The following DNAH17 variants were observed in gnomAD, a reference collection of about 807,000 sequenced individuals.
DNAH17 encodes axonemal beta dynein heavy chain 17.
A neutral mutation model predicts 485.6 loss-of-function variants in DNAH17; 376 were observed. The observed-to-expected ratio is 0.77, with a 90% confidence interval of 0.71 to 0.84. DNAH17 has a LOEUF of 0.84. DNAH17 is among the 40% of genes least tolerant of loss of function. The pLI, the probability that DNAH17 is intolerant of heterozygous loss-of-function variation, is 0.00. For synonymous variants in DNAH17, 3,031 were observed against 2,405.9 expected (o/e 1.26, Z -7.60); for missense variants, 6,370 against 5,839.3 (o/e 1.09, Z -2.96).
At chr17:78,484,515 T>C (rs1035273041) in intron 48 of DNAH17, among the ~76,000 whole-genome samples, 1 of 151,920 alleles carries the variant, frequency 6.6e-6, no homozygotes, top group African/African-American at 2.4e-5. Flanking sequence ...CTTTACCGGG[T>C]AATGTGCTTC....
chr17:78,526,825 G>A (rs2091090683), intron 23 of DNAH17, 55 bp downstream of exon 23: 1 of 1,558,656 alleles, frequency 6.4e-7, no homozygotes, highest in African/African-American at 1.4e-5. Flanking sequence ...CAGGGCCCTG[G>A]GTGAGCCCCA....
intron 54 of DNAH17, among the ~76,000 whole-genome samples, chr17:78,470,380 T>C (rs1034997112): frequency 6.6e-6 from 1 of 150,472 alleles, no homozygotes; most frequent in African/African-American, 2.4e-5. Flanking sequence ...AAATGTCTAT[T>C]TGTCTTAGAA....
chr17:78,569,067 G>A (rs1466456217), intron 9 of DNAH17, 99 bp downstream of exon 9: 13 of 933,830 alleles, frequency 1.4e-5, no homozygotes, highest in Non-Finnish European at 1.8e-5. Context: ...TCTGCCTGGG[G>A]GATTATTGGC....
At chr17:78,536,747 G>A (rs556201285) in intron 19 of DNAH17, among the ~76,000 whole-genome samples, 53 of 150,302 alleles carry the variant, frequency 3.5e-4, no homozygotes, top group African/African-American at 1.0e-3. Flanking sequence ...GCATCGTGTC[G>A]GGGGGTTGGA....
chr17:78,481,097 C>T (rs2089327914), intron 48 of DNAH17, among the ~76,000 whole-genome samples: 1 of 144,130 alleles, frequency 6.9e-6, no homozygotes, highest in African/African-American at 2.6e-5. Context: ...GCCCGCCCCC[C>T]ATCCCCCGGC....
chr17:78,449,614 G>A (rs1270233890), intron 68 of DNAH17, 30 bp from the exon 69 acceptor site: 2 of 1,581,978 alleles, frequency 1.3e-6, no homozygotes, highest in South Asian at 1.1e-5. Flanking sequence ...AGCCATGGAG[G>A]CGTGCAGAGA....
chr17:78,543,541 C>A (rs1275150948), intron 17 of DNAH17, among the ~76,000 whole-genome samples: 2 of 152,096 alleles, frequency 1.3e-5, no homozygotes, highest in Non-Finnish European at 2.9e-5. Flanking sequence ...CCACCCGCCT[C>A]GGCCTCCCAA....
chr17:78,437,536 G>A, intron 74 of DNAH17, 105 bp downstream of exon 74: 2 of 759,708 alleles, frequency 2.6e-6, no homozygotes, highest in Admixed American at 3.0e-5. Context: ...GAGGGGAGGT[G>A]TCCCCAGAGT....
chr17:78,487,426 G>C (rs2089660270), intron 44 of DNAH17, among the ~76,000 whole-genome samples: 1 of 152,224 alleles, frequency 6.6e-6, no homozygotes, highest in African/African-American at 2.4e-5. Context: ...AGTGAGCTCA[G>C]CACGTGCATC....
Position 78,496,044 on chromosome 17 carries a change from G to A in DNAH17, c.5746-12C>T, listed in dbSNP as rs1321306188. 2.5e-6 allele frequency: 4 copies of A among 1,609,648 alleles called. No homozygotes were observed. In the African/African-American group the frequency reaches 5.3e-5, roughly 22 times the overall value. ...TGGACACATTTTACCTGCACGGTTG[G>A]TGACACAGACATGTTAGCATGGAAA... On this transcript the variant is annotated splice_polypyrimidine_tract_variant and intron_variant, in intron 37 of 80. Transcript: ENST00000389840.
At position 78,481,117 on chromosome 17, in the gene DNAH17, T is replaced by G. The variant is rs538435407; in HGVS notation, c.7650-331A>C. On this transcript the variant is annotated intron_variant, in intron 48 of 80. Transcript: ENST00000389840. ...CCCCCCATCCCCCGGCTTTTTTTTT[T>G]TTTGAGATGGAGTCTCACTCAGTCA... is the stretch of plus-strand genomic sequence containing the variant. Among the ~76,000 whole-genome samples the G allele has an allele frequency of 3.5e-4, 52 of 147,338 alleles. 1 individual carries two copies. In the East Asian group the frequency reaches 6.8e-3, roughly 19 times the overall value.
intron 27 of DNAH17, among the ~76,000 whole-genome samples, chr17:78,508,671 GT>G (rs1384326295): frequency 6.6e-6 from 1 of 152,208 alleles, no homozygotes; most frequent in Non-Finnish European, 1.5e-5. Context: ...AAGTGGATTA[GT>G]GGTTGCCTAG....
intron 44 of DNAH17, among the ~76,000 whole-genome samples, chr17:78,490,269 G>C (rs983212869): frequency 6.6e-6 from 1 of 152,124 alleles, no homozygotes. Flanking sequence ...AGGAGAACCC[G>C]ACCACTGCCC....
At chr17:78,472,162 C>G (rs965250472) in intron 54 of DNAH17, among the ~76,000 whole-genome samples, 20 of 152,174 alleles carry the variant, frequency 1.3e-4, no homozygotes, top group Admixed American at 2.0e-4. Flanking sequence ...CTTGCCATAG[C>G]CAATGCCACT....
chr17:78,470,937 T>C (rs545080904), intron 54 of DNAH17, among the ~76,000 whole-genome samples: 4 of 152,192 alleles, frequency 2.6e-5, no homozygotes, highest in Non-Finnish European at 5.9e-5. Context: ...AAGTTTTTTT[T>C]AAAGCATTTT....
At chr17:78,463,388 A>G (rs1000699402) in intron 56 of DNAH17, among the ~76,000 whole-genome samples, 1 of 152,392 alleles carries the variant, frequency 6.6e-6, no homozygotes, top group East Asian at 1.9e-4. Flanking sequence ...ACATACCTGC[A>G]TATATACGCG....
At chr17:78,485,066 C>T (rs767143609) in intron 47 of DNAH17, 33 bp from the exon 48 acceptor site, 8 of 1,567,560 alleles carry the variant, frequency 5.1e-6, no homozygotes, top group Non-Finnish European at 6.0e-6. Flanking sequence ...TGCCCGCCTG[C>T]GCCTCCTGAG....
chr17:78,466,704 G>C lies in DNAH17; in HGVS notation c.8891C>G (p.Ala2964Gly). 6.2e-7 allele frequency: 1 copy of C among 1,612,222 alleles called. No individual in the cohort carries two copies. Among genetic ancestry groups the C allele is most frequent in the South Asian group, 1.1e-5 (1 of 90,874 alleles). ...GAAGCGGGCGCTGACGGACACCAGC[G>C]CATCTTCCGGCCACTCGTGGAACCA... ...IDWFHEWPED[A>G]LVSVSARFLE... The change falls in exon 56 of 81, where the codon GCG becomes GGG. Residue 2964 changes from alanine to glycine, a missense_variant. Ala to Gly is a moderately conservative substitution (Grantham distance 60, BLOSUM62 0). Transcript: ENST00000389840.
At position 78,491,851 on chromosome 17, in the gene DNAH17, C is replaced by T. The variant is rs146705056; in HGVS notation, c.6542-281G>A. 2.4e-3 allele frequency among the ~76,000 whole-genome samples: 360 copies of T among 152,332 alleles called. 1 individual carries two copies. The highest frequency in any genetic ancestry group is 7.9e-3 in the African/African-American group (329 of 41,566). ...GTGGCCCTGGCTGGCTCAGTTTTTC[C>T]AGGCTCAACATCCCACGGGGCGCAG... On this transcript the variant is annotated intron_variant, in intron 42 of 80. Transcript: ENST00000389840.
Sources: gnomAD v4.1 joint callset for allele counts (sites outside exome capture counted in the v4.1 genomes callset) on GRCh38, gnomAD v4.1.1 for gene constraint, MANE v1.5 for transcripts, NCBI Gene and HGNC (gene_info 2026-07-23, HGNC 2026-07-21) for gene names.